PRR36: variants seen among roughly 807,000 people sequenced by gnomAD.
PRR36 encodes proline rich 36, also known as proline-rich protein 36.
In PRR36, 30 loss-of-function variants were observed where a neutral mutation model predicts 58.6. The observed-to-expected ratio is 0.51, with a 90% CI of 0.38 to 0.69. PRR36 has a LOEUF of 0.69. Among genes scored for constraint, PRR36 ranks in the 30% least tolerant of loss-of-function variants. The probability of loss-of-function intolerance (pLI) is 0.00; values close to 1 mark genes in which losing one functional copy is unlikely to be tolerated. For synonymous variants in PRR36, 771 were observed against 829.3 expected (o/e 0.93, Z 1.21); for missense variants, 1,692 against 1,805.6 (o/e 0.94, Z 1.14).
In PRR36 at chr19:7,873,501, C is replaced by T. The variant is rs1220495086; in HGVS notation, c.189G>A (p.Gly63=). 3.9e-6 allele frequency: 6 copies of T among 1,535,566 alleles called. No homozygotes were observed. The Admixed American group carries it at 5.9e-5, about 15-fold the overall frequency. Residue 63 remains glycine (G), a synonymous_variant, in exon 2 of 6, where the codon GGG becomes GGA. Coordinates refer to ENST00000618550, the MANE Select transcript of PRR36 (RefSeq NM_001190467.2). This position sits in a 1 kb window ranked among gnomAD's most constrained non-coding sequence, Gnocchi z 5.0. Reference sequence around the variant, plus strand: ...CGGGAATAGTGGCCCCGCCGATGCCCCCCGCTCGCTCTGCCAGAGGCTTTC... The same window carrying T: ...CGGGAATAGTGGCCCCGCCGATGCCTCCCGCTCGCTCTGCCAGAGGCTTTC... ...VGRKPLAERA[G]GIGGATIPES...
rs1980284910 is a variant in PRR36, at chr19:7,869,711, T to C, written c.3529+4A>G. 1 of 1,347,302 alleles carries C rather than the reference T, an allele frequency of 7.4e-7. No individual in the cohort carries two copies. Among genetic ancestry groups the C allele is most frequent in the East Asian group, 3.1e-5 (1 of 32,048 alleles). 83.5% of individuals were successfully genotyped at this position (1,347,302 alleles called of 1,614,324 possible). On this transcript the variant is annotated splice_donor_region_variant and intron_variant, in intron 5 of 5. Transcript: ENST00000618550. Reference sequence around the variant, plus strand: ...AGCCAGGCCGGGTCTGGGGTGCCCCTTACCTGGGGCTCCGCGGAAAGCCAG... The same window carrying C: ...AGCCAGGCCGGGTCTGGGGTGCCCCCTACCTGGGGCTCCGCGGAAAGCCAG...
chr19:7,872,236 C>G lies in PRR36; in HGVS notation c.1008G>C (p.Pro336=). 1 of 1,455,502 alleles carries G rather than the reference C, an allele frequency of 6.9e-7. No homozygotes were observed. Among genetic ancestry groups the G allele is most frequent in the Non-Finnish European group, 9.0e-7 (1 of 1,109,340 alleles). 90.2% of individuals were successfully genotyped at this position (1,455,502 alleles called of 1,614,324 possible). Residue 336 remains proline (P), a synonymous_variant, in exon 5 of 6, where the codon CCG becomes CCC. Coordinates refer to ENST00000618550, the MANE Select transcript of PRR36 (RefSeq NM_001190467.2). This position sits in a 1 kb window ranked among gnomAD's most constrained non-coding sequence, Gnocchi z 6.1. ...GAGCGGCTGGCGGAGGGGGCGTTAC[C>G]GGTGGAGAGGGAGGGAGCGTGGCTG... is the stretch of plus-strand genomic sequence containing the variant. ...PLPATLPPSP[P]VTPPPPAALQ...
chr19:7,871,358 A>G lies in PRR36; in HGVS notation c.1886T>C (p.Leu629Pro). 1 of 1,531,402 alleles carries G rather than the reference A, an allele frequency of 6.5e-7. No individual in the cohort carries two copies. The highest frequency in any genetic ancestry group is 8.7e-7 in the Non-Finnish European group (1 of 1,143,944). The allele number at this position is 1,531,402 out of a possible 1,614,324, so 94.9% of individuals were successfully genotyped here. ...TTGGGTTTGCCTAGGGGACATTGTC[A>G]GGAAAGAATGTGTGGCCTGCAGAGT... ...SPTLQATHSF[L>P]TMSPRQTQAS... Residue 629 changes from leucine (L) to proline (P), a missense_variant, in exon 5 of 6, where the codon CTG becomes CCG. Physicochemically the swap from Leu to Pro is moderately conservative, Grantham distance 98. Transcript: ENST00000618550.
At position 7,870,829 on chromosome 19, in the gene PRR36, C is replaced by T. The variant is rs938474501; in HGVS notation, c.2415G>A (p.Thr805=). 2.1e-6 allele frequency: 3 copies of T among 1,437,218 alleles called. No homozygotes were observed. Among genetic ancestry groups the T allele is most frequent in the African/African-American group, 2.9e-5 (2 of 68,262 alleles). 89.0% of individuals were successfully genotyped at this position (1,437,218 alleles called of 1,614,324 possible). ...GAGGAGGCGTGGCTATGGAAGAGGG[C>T]GTCTCCGGAGGGGGCGTGGTCAATG... The part of the protein sequence containing the change: ...PSPLTTPPPE[T]PSSIATPPPQ... The change falls in exon 5 of 6, where the codon ACG becomes ACA. Residue 805 remains threonine (T), a synonymous_variant. Coordinates refer to ENST00000618550, the MANE Select transcript of PRR36 (RefSeq NM_001190467.2).
chr19:7,871,317 G>A lies in PRR36; in HGVS notation c.1927C>T (p.Pro643Ser), dbSNP rs1250781227. 23 of 1,530,010 alleles carry A rather than the reference G, an allele frequency of 1.5e-5. No homozygotes were observed. Among genetic ancestry groups the A allele is most frequent in the Non-Finnish European group, 1.8e-5 (21 of 1,143,016 alleles). 94.8% of individuals were successfully genotyped at this position (1,530,010 alleles called of 1,614,324 possible). ...GGGGGAGTAGAGGCCGGCCGAGAAG[G>A]TGAGATCAAAGAAGCTTGGGTTTGC... ...PRQTQASLIS[P>S]SRPASTPPDS... Residue 643 changes from proline (P) to serine (S), a missense_variant, in exon 5 of 6, where the codon CCT (proline) becomes TCT (serine). Pro to Ser is a moderately conservative substitution (Grantham distance 74). Around this residue, in one of 5 missense-constraint regions of PRR36, gnomAD observed 975 missense variants for 955.2 expected, o/e 1.02. Transcript: ENST00000618550.
rs1207952412 is a variant in PRR36, at chr19:7,870,777, G to T, written c.2467C>A (p.Pro823Thr). ...GGAGAGGGCAGGCCCTGCAAAGGGG[G>T]TGAGGCCAGAGCAGGTGGGGCCTGT... ...PPQAPPALAS[P>T]PLQGLPSPPL... Residue 823 changes from proline (P) to threonine (T), a missense_variant, in exon 5 of 6, where the codon CCC becomes ACC. By Grantham distance (38) the Pro-to-Thr change is conservative. This residue lies in a region of PRR36 where 171 missense variants were observed against 146.2 expected (regional missense o/e 1.17). Transcript: ENST00000618550. 85 of 1,423,950 alleles carry T rather than the reference G, an allele frequency of 6.0e-5. No homozygotes were observed. The highest frequency in any genetic ancestry group is 7.7e-5 in the Non-Finnish European group (84 of 1,093,190). The allele number at this position is 1,423,950 out of a possible 1,614,324, so 88.2% of individuals were successfully genotyped here. A position where few individuals can be genotyped will look rare whatever the true frequency, so the allele number is the denominator to read the frequency against.
At position 7,870,016 on chromosome 19, in the gene PRR36, G is replaced by A. The variant is rs1345892947; in HGVS notation, c.3228C>T (p.Ala1076=). 2.1e-6 allele frequency: 3 copies of A among 1,432,084 alleles called. No individual in the cohort carries two copies. The African/African-American group carries it at 4.5e-5, about 21-fold the overall frequency. 88.7% of individuals were successfully genotyped at this position (1,432,084 alleles called of 1,614,324 possible). A position where few individuals can be genotyped will look rare whatever the true frequency, so the allele number is the denominator to read the frequency against. Residue 1076 remains alanine (A), a synonymous_variant, in exon 5 of 6, where the codon GCC becomes GCT. Transcript: ENST00000618550. ...PSPPASPTLQ[A]PRRPPTPGPD... ...GACCCGGGGTCGGGGGGCGGCGTGG[G>A]GCCTGCAGGGTGGGTGAGGCAGGGG...
chr19:7,871,130 G>C lies in PRR36; in HGVS notation c.2114C>G (p.Ser705Cys). The change falls in exon 5 of 6, where the codon TCC becomes TGC. Residue 705 changes from serine (S) to cysteine (C), a missense_variant. Coordinates refer to ENST00000618550, the MANE Select transcript of PRR36 (RefSeq NM_001190467.2). ...ASHSPQAPLS[S>C]LIMPPLETQS... The stretch of plus-strand genomic sequence containing the variant: ...GGTCTCCAGAGGGGGCATGATCAGG[G>C]AAGAGAGAGGTGCCTGAGGAGAGTG... 6.5e-7 allele frequency: 1 copy of C among 1,535,596 alleles called. No individual in the cohort carries two copies. Among genetic ancestry groups the C allele is most frequent in the East Asian group, 2.4e-5 (1 of 40,884 alleles).
At position 7,869,832 on chromosome 19, in the gene PRR36, T is replaced by G; in HGVS notation, c.3412A>C (p.Ser1138Arg). 7.4e-7 allele frequency: 1 copy of G among 1,349,738 alleles called. No individual in the cohort carries two copies. The highest frequency in any genetic ancestry group is 1.8e-5 in the South Asian group (1 of 54,390). The allele number at this position is 1,349,738 out of a possible 1,614,324, so 83.6% of individuals were successfully genotyped here. A position where few individuals can be genotyped will look rare whatever the true frequency, so the allele number is the denominator to read the frequency against. ...GCTGCGGCACCGCCCTCGGGCCCGC[T>G]GTCGTAGCCACGCAGCTCCTCTGGC... ...STPEELRGYD[S>R]GPEGGAAASP... is the part of the protein sequence containing the mutation. Residue 1138 changes from serine (S) to arginine (R), a missense_variant, in exon 5 of 6, where the codon AGC (serine) becomes CGC (arginine). Ser to Arg is a moderately radical substitution (Grantham distance 110). This residue lies in a region of PRR36 where 485 missense variants were observed against 549.2 expected (regional missense o/e 0.88). Transcript: ENST00000618550.
intron 5 of PRR36, 65 bp from the exon 6 acceptor site, chr19:7,869,609 C>CA: frequency 6.7e-7 from 1 of 1,483,872 alleles, no homozygotes; most frequent in Non-Finnish European, 8.9e-7. Context: ...CAAGGTCCCG[C>CA]CTCCTTGTCT....
In PRR36 at chr19:7,872,533, C is replaced by A; in HGVS notation, c.711G>T (p.Pro237=). Residue 237 remains proline, a synonymous_variant, in exon 5 of 6, where the codon CCG becomes CCT. Transcript: ENST00000618550. The surrounding 1 kb of genome is among the most constrained non-coding windows in gnomAD (Gnocchi z 6.1). The part of the protein sequence containing the change: ...RPSAGGGLQR[P]ASRSLSSSAT... ...CGCTGGAGCTCAGGGAGCGCGAGGC[C>A]GGCCTCTGGAGACCCCCACCGGCGC... 2 of 1,515,610 alleles carry A rather than the reference C, an allele frequency of 1.3e-6. No homozygotes were observed. The highest frequency in any genetic ancestry group is 2.5e-5 in the South Asian group (2 of 81,170). The allele number at this position is 1,515,610 out of a possible 1,614,324, so 93.9% of individuals were successfully genotyped here.
chr19:7,870,065 GGCGCT>G lies in PRR36; in HGVS notation c.3174_3178del (p.Ala1059ProfsTer132), dbSNP rs1980312762. On this transcript the variant is annotated frameshift_variant, in exon 5 of 6. Coordinates refer to ENST00000618550, the MANE Select transcript of PRR36 (RefSeq NM_001190467.2). LOFTEE classifies it high-confidence loss of function. ...GGGAGAGGGAGGGACCTGCAGAAGG[GGCGCT>G]GCCAGAACAGGTGGGGCCTGTGGAG... The G allele has an allele frequency of 6.8e-7, 1 of 1,474,682 alleles. No individual in the cohort carries two copies. Among genetic ancestry groups the G allele is most frequent in the African/African-American group, 1.4e-5 (1 of 69,090 alleles). 91.3% of individuals were successfully genotyped at this position (1,474,682 alleles called of 1,614,324 possible). A position where few individuals can be genotyped will look rare whatever the true frequency, so the allele number is the denominator to read the frequency against.
At position 7,870,746 on chromosome 19, in the gene PRR36, AG is replaced by A. The variant is rs1980382548; in HGVS notation, c.2497del (p.Leu833CysfsTer89). Reference protein sequence around the residue: ...PPLQGLPSPPLSPLATPPPQA... With the variant: ...PPLQGLPSPPXSPLATPPPQA... ...TGGAGGGGGCGTGGCCAAAGGAGAC[AG>A]AGGGGGAGAGGGCAGGCCCTGCAAA... On this transcript the variant is annotated frameshift_variant, in exon 5 of 6. Coordinates refer to ENST00000618550, the MANE Select transcript of PRR36 (RefSeq NM_001190467.2). LOFTEE classifies it high-confidence loss of function. 9.9e-7 allele frequency: 1 copy of A among 1,014,784 alleles called. No homozygotes were observed. Among genetic ancestry groups the A allele is most frequent in the Non-Finnish European group, 1.2e-6 (1 of 854,628 alleles). The allele number at this position is 1,014,784 out of a possible 1,614,324, so 62.9% of individuals were successfully genotyped here. A position where few individuals can be genotyped will look rare whatever the true frequency, so the allele number is the denominator to read the frequency against.
Position 7,871,892 on chromosome 19 carries a change from G to A in PRR36, c.1352C>T (p.Ser451Phe), listed in dbSNP as rs1000194495. The A allele has an allele frequency of 4.6e-6, 7 of 1,535,894 alleles. No homozygotes were observed. Among genetic ancestry groups the A allele is most frequent in the Non-Finnish European group, 6.1e-6 (7 of 1,146,882 alleles). ...TGACAGAGGAGGTGTGGCCAAGGGA[G>A]AGAGGAGAGTCGGAAGAGAGGGCAA... ...PALPSLPTLL[S>F]PLATPPLSAM... Residue 451 changes from serine (S) to phenylalanine (F), a missense_variant, in exon 5 of 6, where the codon TCT becomes TTT. Physicochemically the swap from Ser to Phe is radical, Grantham distance 155. Transcript: ENST00000618550.
In PRR36 at chr19:7,871,388, G is replaced by A. The variant is rs771957618; in HGVS notation, c.1856C>T (p.Ser619Leu). Residue 619 changes from serine to leucine, a missense_variant, in exon 5 of 6, where the codon TCA becomes TTA. Physicochemically the swap from Ser to Leu is moderately radical, Grantham distance 145 (BLOSUM62 -2). Transcript: ENST00000618550. ...SSLQATTSLG[S>L]PTLQATHSFL... ...AGAATGTGTGGCCTGCAGAGTGGGT[G>A]AGCCCAAAGAAGTTGTGGCCTGCAG... The A allele has an allele frequency of 3.0e-5, 46 of 1,535,704 alleles. No individual in the cohort carries two copies. Among genetic ancestry groups the A allele is most frequent in the Non-Finnish European group, 4.0e-5 (46 of 1,146,844 alleles).
Position 7,872,237 on chromosome 19 carries a change from G to T in PRR36, c.1007C>A (p.Pro336Gln). The change falls in exon 5 of 6, where the codon CCG becomes CAG. Residue 336 changes from proline to glutamine, a missense_variant. Transcript: ENST00000618550. The surrounding 1 kb of genome is among the most constrained non-coding windows in gnomAD (Gnocchi z 6.1). ...PLPATLPPSP[P>Q]VTPPPPAALQ... ...AGCGGCTGGCGGAGGGGGCGTTACC[G>T]GTGGAGAGGGAGGGAGCGTGGCTGG... The T allele has an allele frequency of 6.9e-7, 1 of 1,458,990 alleles. No individual in the cohort carries two copies. The highest frequency in any genetic ancestry group is 1.4e-5 in the African/African-American group (1 of 70,484). The allele number at this position is 1,458,990 out of a possible 1,614,324, so 90.4% of individuals were successfully genotyped here. A position where few individuals can be genotyped will look rare whatever the true frequency, so the allele number is the denominator to read the frequency against.
chr19:7,868,784 ACGGGGCGGGACT>A lies in PRR36; in HGVS notation c.*237_*248del. The A allele has an allele frequency of 2.2e-6, 1 of 463,566 alleles. No homozygotes were observed. Among genetic ancestry groups the A allele is most frequent in the South Asian group, 3.8e-5 (1 of 26,330 alleles). 28.7% of individuals were successfully genotyped at this position (463,566 alleles called of 1,614,324 possible). ...GTGCGGGGTGGGCAATACACTGCAC[ACGGGGCGGGACT>A]CGGGGAAACGGGGCGTGTCCTAGGC... On this transcript the variant is annotated 3_prime_UTR_variant, in exon 6 of 6. Coordinates refer to ENST00000618550, the MANE Select transcript of PRR36 (RefSeq NM_001190467.2).
At position 7,869,782 on chromosome 19, in the gene PRR36, G is replaced by A. The variant is rs1980290536; in HGVS notation, c.3462C>T (p.Leu1154=). 4 of 1,359,874 alleles carry A rather than the reference G, an allele frequency of 2.9e-6. No homozygotes were observed. Among genetic ancestry groups the A allele is most frequent in the Non-Finnish European group, 3.8e-6 (4 of 1,063,000 alleles). 84.2% of individuals were successfully genotyped at this position (1,359,874 alleles called of 1,614,324 possible). A position where few individuals can be genotyped will look rare whatever the true frequency, so the allele number is the denominator to read the frequency against. The change falls in exon 5 of 6, where the codon CTC becomes CTT. Residue 1154 remains leucine, a synonymous_variant. Transcript: ENST00000618550. ...TCCAGGCAGCCGGGTGGCAAGCGGC[G>A]AGCTCTGCGTCGGGGGGCGGGGAGG... ...AAASPPPDAE[L]AACHPAAWSR...
In PRR36 at chr19:7,873,731, G is replaced by T; in HGVS notation, c.-7-35C>A. 1 of 1,519,576 alleles carries T rather than the reference G, an allele frequency of 6.6e-7. No homozygotes were observed. Among genetic ancestry groups the T allele is most frequent in the Non-Finnish European group, 8.8e-7 (1 of 1,137,604 alleles). 94.1% of individuals were successfully genotyped at this position (1,519,576 alleles called of 1,614,324 possible). ...CAAACCGGTCCGCATCCCAGGTTCT[G>T]GACAGCTACGCCGCCTCCAGAGACC... On this transcript the variant is annotated intron_variant, in intron 1 of 5. Transcript: ENST00000618550. This position sits in a 1 kb window ranked among gnomAD's most constrained non-coding sequence, Gnocchi z 5.0.
Sources: allele counts gnomAD v4.1 joint callset, GRCh38; gene constraint gnomAD v4.1.1; regional missense constraint gnomAD v4.1.1; non-coding constraint Gnocchi (gnomAD v3.1); transcripts MANE v1.5; gene names NCBI Gene and HGNC (gene_info 2026-07-23, HGNC 2026-07-21).